MED13L: variants seen among roughly 807,000 people sequenced by gnomAD.
MED13L encodes mediator complex subunit 13L.
Under a neutral mutation model 220.9 loss-of-function variants are expected in MED13L, and 7 were observed. That is an observed-to-expected ratio of 0.03 (90% CI 0.02 to 0.06). MED13L has a LOEUF of 0.06. Ranked by LOEUF, MED13L falls within the 10% of genes least tolerant of loss-of-function variation. The pLI is 1.00. For missense variants in MED13L, 1,965 were observed against 2,760.5 expected (o/e 0.71, Z 6.46); for synonymous variants, 1,011 against 1,015.2 (o/e 1.00, Z 0.08).
chr12:116,181,472 C>T (rs570091401), intron 2 of MED13L, among the ~76,000 whole-genome samples: 1 of 152,248 alleles, frequency 6.6e-6, no homozygotes, highest in Admixed American at 6.5e-5. Context: ...TCTTTACTAT[C>T]ATCTCAATTA....
chr12:115,973,490 T>C (rs1298274000), intron 25 of MED13L, among the ~76,000 whole-genome samples: 1 of 152,194 alleles, frequency 6.6e-6, no homozygotes, highest in Non-Finnish European at 1.5e-5. Context: ...CACTAAGAGA[T>C]AAGGAAGAAG....
intron 4 of MED13L, among the ~76,000 whole-genome samples, chr12:116,039,796 G>A (rs1881413819): frequency 6.6e-6 from 1 of 151,992 alleles, no homozygotes; most frequent in Non-Finnish European, 1.5e-5. Context: ...TTAGAAACAG[G>A]GCTGACATGA....
intron 23 of MED13L, among the ~76,000 whole-genome samples, chr12:115,977,851 G>A (rs1179751763): frequency 2.0e-5 from 3 of 152,124 alleles, no homozygotes; most frequent in African/African-American, 2.4e-5. Context: ...AAAATTTAGC[G>A]AGGCACGGTG....
In MED13L at chr12:116,006,310, T is replaced by C; in HGVS notation, c.2340A>G (p.Lys780=). 1 of 1,613,460 alleles carries C rather than the reference T, an allele frequency of 6.2e-7. No individual in the cohort carries two copies. The highest frequency in any genetic ancestry group is 8.5e-7 in the Non-Finnish European group (1 of 1,179,428). Residue 780 remains lysine, a synonymous_variant, in exon 12 of 31, where the codon AAA becomes AAG. Coordinates refer to ENST00000281928, the MANE Select transcript of MED13L (RefSeq NM_015335.5). ...NAMSIFSSAT[K]TDVRQDNAAG... is the part of the protein sequence containing the mutation. ...GCAAATAATCATTGTACACACCTGT[T>C]TTAGTAGCAGAACTGAAAATAGACA... is the stretch of plus-strand genomic sequence containing the variant.
At position 115,991,220 on chromosome 12, in the gene MED13L, T is replaced by C. The variant is rs1878039306; in HGVS notation, c.3734A>G (p.Tyr1245Cys). 1.9e-6 allele frequency: 3 copies of C among 1,614,186 alleles called. No individual in the cohort carries two copies. The highest frequency in any genetic ancestry group is 1.6e-4 in the Middle Eastern group (1 of 6,062). The change falls in exon 17 of 31, where the codon TAC becomes TGC. Residue 1245 changes from tyrosine to cysteine, a missense_variant. Physicochemically the swap from Tyr to Cys is radical, Grantham distance 194. Coordinates refer to ENST00000281928, the MANE Select transcript of MED13L (RefSeq NM_015335.5). The surrounding 1 kb of genome is among the most constrained non-coding windows in gnomAD (Gnocchi z 7.7). ...QPFASLNFLDYISSNNRQTLP... is the reference protein window; with the variant it reads ...QPFASLNFLDCISSNNRQTLP... ...AGTTTGGCGATTGTTAGAGGAAATG[T>C]AGTCCAGGAAATTCAGTGAAGCAAA...
At chr12:116,244,004 T>C (rs532922795) in intron 1 of MED13L, among the ~76,000 whole-genome samples, 3 of 152,308 alleles carry the variant, frequency 2.0e-5, no homozygotes, top group East Asian at 3.9e-4. Flanking sequence ...TGCCAGAAGA[T>C]AGTCAACATT....
At chr12:115,995,712 C>T (rs181908226) in intron 16 of MED13L, among the ~76,000 whole-genome samples, 80 of 152,294 alleles carry the variant, frequency 5.3e-4, no homozygotes, top group African/African-American at 1.8e-3. Context: ...TTTGAGCCAC[C>T]GCACCCGGCC....
At chr12:116,248,604 G>A (rs1356336399) in intron 1 of MED13L, among the ~76,000 whole-genome samples, 1 of 152,192 alleles carries the variant, frequency 6.6e-6, no homozygotes, top group Non-Finnish European at 1.5e-5. Flanking sequence ...AGCAAACTGT[G>A]GTCTGGGGGC....
intron 1 of MED13L, among the ~76,000 whole-genome samples, chr12:116,241,969 T>G (rs1431696715): frequency 6.6e-6 from 1 of 151,824 alleles, no homozygotes; most frequent in African/African-American, 2.4e-5. Context: ...GGATGTTTAT[T>G]CAATTAAGAG....
chr12:115,996,955 G>A (rs190017857), intron 15 of MED13L, 55 bp downstream of exon 15: 6 of 1,519,200 alleles, frequency 3.9e-6, no homozygotes, highest in African/African-American at 1.4e-5. Flanking sequence ...GCAGATGTAT[G>A]TGAATCCACT....
chr12:115,976,206 G>C (rs928023636), intron 23 of MED13L, among the ~76,000 whole-genome samples: 2 of 152,068 alleles, frequency 1.3e-5, no homozygotes, highest in African/African-American at 4.8e-5. Flanking sequence ...CAAAAAACAG[G>C]TATAAGAATA....
At chr12:116,051,592 G>T (rs1421601670) in intron 4 of MED13L, among the ~76,000 whole-genome samples, 1 of 152,106 alleles carries the variant, frequency 6.6e-6, no homozygotes, top group African/African-American at 2.4e-5. Flanking sequence ...TTTCGATTTT[G>T]GAATATCTGC....
At chr12:116,191,887 C>CA (rs1379803878) in intron 2 of MED13L, among the ~76,000 whole-genome samples, 2 of 151,740 alleles carry the variant, frequency 1.3e-5, no homozygotes, top group African/African-American at 4.8e-5. Context: ...GTAAAAAAGG[C>CA]AAATTATTTT....
At chr12:116,151,070 G>T (rs546315988) in intron 2 of MED13L, among the ~76,000 whole-genome samples, 4 of 152,086 alleles carry the variant, frequency 2.6e-5, no homozygotes, top group African/African-American at 7.2e-5. Context: ...GTTAAAAAAT[G>T]GGAAAACTTC....
chr12:116,003,844 C>A (rs567817712), intron 13 of MED13L, among the ~76,000 whole-genome samples: 1 of 152,236 alleles, frequency 6.6e-6, no homozygotes, highest in African/African-American at 2.4e-5. Flanking sequence ...ACTCAGCCAA[C>A]AGCCTCCCAA....
chr12:115,975,457 T>C, intron 24 of MED13L, 58 bp downstream of exon 24: 2 of 1,596,414 alleles, frequency 1.3e-6, no homozygotes, highest in South Asian at 1.1e-5. Flanking sequence ...GAAATATTCA[T>C]ATTTGAGGAA....
At chr12:116,103,319 C>G (rs939365620) in intron 3 of MED13L, among the ~76,000 whole-genome samples, 2 of 152,204 alleles carry the variant, frequency 1.3e-5, no homozygotes, top group African/African-American at 4.8e-5. Flanking sequence ...TGTGGCAGAT[C>G]AGAGCTCACT....
intron 2 of MED13L, among the ~76,000 whole-genome samples, chr12:116,214,222 T>A (rs1882873191): frequency 6.6e-6 from 1 of 152,214 alleles, no homozygotes; most frequent in Non-Finnish European, 1.5e-5. Context: ...CTTTTCACTT[T>A]TTCATCGACA....
rs2137290227 is a variant in MED13L at position 115,987,199 on chromosome 12, G to A, written c.4024C>T (p.Arg1342Cys). ...PFLQDAIQKK[R>C]TGRTWENIQH... ...ATGTTCTCCCAGGTCCTGCCCGTGC[G>A]CTTCTTTTGGATGGCATCTTGGAGA... Residue 1342 changes from arginine to cysteine, a missense_variant, in exon 18 of 31, where the codon CGC (arginine) becomes TGC (cysteine). Transcript: ENST00000281928. 1 of 1,614,086 alleles carries A rather than the reference G, an allele frequency of 6.2e-7. No individual in the cohort carries two copies. The highest frequency in any genetic ancestry group is 8.5e-7 in the Non-Finnish European group (1 of 1,180,000).
Sources: gnomAD v4.1 joint callset for allele counts (sites outside exome capture counted in the v4.1 genomes callset) on GRCh38, gnomAD v4.1.1 for gene constraint, Gnocchi (gnomAD v3.1) non-coding constraint, MANE v1.5 for transcripts, NCBI Gene and HGNC (gene_info 2026-07-23, HGNC 2026-07-21) for gene names.